The following ENTREP2 variants were observed in gnomAD, a reference collection of about 807,000 sequenced individuals.
ENTREP2 encodes protein ENTREP2.
chr15:29,570,989 G>T, the ENTREP2 span, among the ~76,000 whole-genome samples: 3 of 145,206 alleles, frequency 2.1e-5, no homozygotes, highest in African/African-American at 7.4e-5. Context: ...TCCCCCGCCC[G>T]CCCCGCGCGC....
chr15:29,523,957 T>G, the ENTREP2 span, among the ~76,000 whole-genome samples: 1 of 152,234 alleles, frequency 6.6e-6, no homozygotes. Context: ...AGATGTAAAT[T>G]TTCATGATGT....
chr15:29,381,494 G>A, the ENTREP2 span, among the ~76,000 whole-genome samples: 18 of 136,324 alleles, frequency 1.3e-4, no homozygotes, highest in African/African-American at 3.9e-4. Flanking sequence ...CTTGGTTCAC[G>A]CTCGGTCCTT....
chr15:29,579,766 A>C, the ENTREP2 span, among the ~76,000 whole-genome samples: 2 of 131,588 alleles, frequency 1.5e-5, no homozygotes, highest in Non-Finnish European at 3.0e-5. Flanking sequence ...GCTGGAGTGC[A>C]GTGGCGCGAT....
At chr15:29,123,268 G>T in the ENTREP2 span, 1 of 1,426,294 alleles carries the variant, frequency 7.0e-7, no homozygotes, top group Non-Finnish European at 9.3e-7. Flanking sequence ...CTCTTTGTCA[G>T]GCATGATGGC....
the ENTREP2 span, among the ~76,000 whole-genome samples, chr15:29,475,551 C>G: frequency 6.6e-6 from 1 of 152,096 alleles, no homozygotes; most frequent in Non-Finnish European, 1.5e-5. Context: ...ACCCAGTGGG[C>G]AAGAGGGGCT....
At chr15:29,637,866 G>C in the ENTREP2 span, among the ~76,000 whole-genome samples, 1 of 152,202 alleles carries the variant, frequency 6.6e-6, no homozygotes, top group Non-Finnish European at 1.5e-5. Context: ...CACTGCCAAC[G>C]CTGGTCCATG....
At chr15:29,601,059 G>T in the ENTREP2 span, among the ~76,000 whole-genome samples, 1 of 150,778 alleles carries the variant, frequency 6.6e-6, no homozygotes. Context: ...CACCACGCCC[G>T]GCTAATTTTT....
chr15:29,123,263 T>C, the ENTREP2 span: 1 of 1,410,160 alleles, frequency 7.1e-7, no homozygotes, highest in South Asian at 1.5e-5. Context: ...AAGGCCTCTT[T>C]GTCAGGCATG....
At chr15:29,639,636 T>TGAA in the ENTREP2 span, among the ~76,000 whole-genome samples, 1 of 151,398 alleles carries the variant, frequency 6.6e-6, no homozygotes, top group African/African-American at 2.4e-5. Flanking sequence ...TAAGACACTG[T>TGAA]GAAAGAACAG....
chr15:29,420,966 G>A, the ENTREP2 span, among the ~76,000 whole-genome samples: 1 of 152,170 alleles, frequency 6.6e-6, no homozygotes, highest in African/African-American at 2.4e-5. Context: ...CACAAAACAA[G>A]GCAGCAAAGT....
chr15:29,602,250 C>T, the ENTREP2 span, among the ~76,000 whole-genome samples: 1 of 152,152 alleles, frequency 6.6e-6, no homozygotes, highest in African/African-American at 2.4e-5. Flanking sequence ...TACTACAGTA[C>T]CTTGTGTATG....
chr15:29,218,435 C>G, the ENTREP2 span, among the ~76,000 whole-genome samples: 2 of 152,252 alleles, frequency 1.3e-5, no homozygotes, highest in East Asian at 3.9e-4. Context: ...AAAATACCAC[C>G]ACCATTCTTC....
chr15:29,669,067 G>A, the ENTREP2 span, among the ~76,000 whole-genome samples: 6 of 152,192 alleles, frequency 3.9e-5, no homozygotes, highest in African/African-American at 1.2e-4. Context: ...TTAGCTGAGC[G>A]TGGTGGCACA....
At chr15:29,459,152 C>T in the ENTREP2 span, among the ~76,000 whole-genome samples, 2 of 152,194 alleles carry the variant, frequency 1.3e-5, no homozygotes, top group African/African-American at 2.4e-5. Context: ...TTTCCTGCTG[C>T]GGGGCTCAGC....
the ENTREP2 span, among the ~76,000 whole-genome samples, chr15:29,498,828 C>T: frequency 2.5e-4 from 38 of 152,104 alleles, no homozygotes; most frequent in Middle Eastern, 6.8e-3. Context: ...ATATTATTTA[C>T]GTGGTCTGAT....
chr15:29,387,052 A>G, the ENTREP2 span, among the ~76,000 whole-genome samples: 6 of 152,178 alleles, frequency 3.9e-5, no homozygotes, highest in African/African-American at 1.2e-4. Flanking sequence ...AGGAGTGGTG[A>G]GAGAGGGCAT....
chr15:29,478,783 T>A, the ENTREP2 span, among the ~76,000 whole-genome samples: 16 of 151,498 alleles, frequency 1.1e-4, no homozygotes, highest in Non-Finnish European at 2.1e-4. Context: ...TGGGCGCCTA[T>A]AATCCCAGCT....
At chr15:29,137,023 G>T in the ENTREP2 span, 1 of 1,425,172 alleles carries the variant, frequency 7.0e-7, no homozygotes, top group Non-Finnish European at 9.1e-7. Context: ...GGGCAGCCGC[G>T]GGAGACCAAC....
At chr15:29,465,648 A>T in the ENTREP2 span, among the ~76,000 whole-genome samples, 1 of 152,018 alleles carries the variant, frequency 6.6e-6, no homozygotes, top group South Asian at 2.1e-4. Flanking sequence ...TTTGATTCTC[A>T]AATTGTATGG....
Sources: allele counts gnomAD v4.1 joint callset (sites outside exome capture counted in the v4.1 genomes callset), GRCh38; gene constraint gnomAD v4.1.1; transcripts MANE v1.5; gene names NCBI Gene and HGNC (gene_info 2026-07-23, HGNC 2026-07-21).